DNAH8: variants seen among roughly 807,000 people sequenced by gnomAD.
The protein encoded by DNAH8 is axonemal beta dynein heavy chain 8.
A neutral mutation model predicts 562.1 loss-of-function variants in DNAH8; 382 were observed. The ratio of observed to expected loss-of-function variants is 0.68; its 90% CI spans 0.63 to 0.74. The LOEUF (loss-of-function observed/expected upper bound fraction) is 0.74, where lower values mean the gene tolerates loss of function less well. Among genes scored for constraint, DNAH8 ranks in the 30% least tolerant of loss-of-function variants. DNAH8 has a pLI of 0.00. For synonymous variants in DNAH8, 1,881 were observed against 1,919.4 expected, an observed-to-expected ratio of 0.98 and a Z score of 0.52; for missense variants, 5,203 against 5,620.4, an observed-to-expected ratio of 0.93 and a Z score of 2.37.
At chr6:38,870,337 C>A in intron 48 of DNAH8, 64 bp from the exon 49 acceptor site, 1 of 1,481,832 alleles carries the variant, frequency 6.7e-7, no homozygotes. Flanking sequence ...TATGCACATC[C>A]CAGCTAGCTG....
chr6:38,990,172 C>G lies in DNAH8; in HGVS notation c.13214C>G (p.Thr4405Arg). The G allele has an allele frequency of 6.3e-7, 1 of 1,592,034 alleles. No homozygotes were observed. The highest frequency in any genetic ancestry group is 8.5e-7 in the Non-Finnish European group (1 of 1,170,220). The change falls in exon 88 of 93, where the codon ACG (threonine) becomes AGG (arginine). Residue 4405 changes from threonine to arginine, a missense_variant and splice_region_variant. Around this residue, in one of 6 missense-constraint regions of DNAH8, gnomAD observed 1,399 missense variants for 1,518.4 expected, o/e 0.92. Transcript: ENST00000327475. ...GGGCTTCACCCTAATGCTGATATCA[C>G]GTAAGTCCCTGGCATTTTTTAATTT... ...VFGLHPNADITYQSNTASAVL... is the reference protein window; with the variant it reads ...VFGLHPNADIRYQSNTASAVL...
rs764211815 is a variant in DNAH8 at position 38,945,490 on chromosome 6, G to T, written c.12031G>T (p.Ala4011Ser). 2 of 1,614,070 alleles carry T rather than the reference G, an allele frequency of 1.2e-6. No homozygotes were observed. The highest frequency in any genetic ancestry group is 1.3e-5 in the African/African-American group (1 of 74,926). Residue 4011 changes from alanine to serine, a missense_variant, in exon 80 of 93, where the codon GCC (alanine) becomes TCC (serine). By Grantham distance (99) the Ala-to-Ser change is moderately conservative. Transcript: ENST00000327475. ...IKGGAALDLK[A>S]CPPKPYRWIL... ...AGGGGGAGCAGCTCTGGACCTGAAA[G>T]CCTGTCCTCCCAAACCCTATCGCTG...
intron 21 of DNAH8, 132 bp from the exon 22 acceptor site, chr6:38,803,047 A>C: frequency 1.6e-6 from 1 of 623,298 alleles, no homozygotes; most frequent in Non-Finnish European, 2.6e-6. Context: ...GCATTATGCC[A>C]TTTTCAGCTA....
chr6:38,909,153 G>T lies in DNAH8; in HGVS notation c.9514-365G>T, dbSNP rs9380808. 5.9e-5 allele frequency among the ~76,000 whole-genome samples: 9 copies of T among 152,230 alleles called. No homozygotes were observed. The East Asian group carries it at 1.7e-3, about 29-fold the overall frequency. ...GATATTTGGAGAAGGTTTTTGCAAG[G>T]CTGTCTAAGTTGATTCCTTTTTAGA... is the stretch of plus-strand genomic sequence containing the variant. On this transcript the variant is annotated intron_variant, in intron 64 of 92. Coordinates refer to ENST00000327475, the MANE Select transcript of DNAH8 (RefSeq NM_001206927.2).
At position 38,779,978 on chromosome 6, in the gene DNAH8, G is replaced by GAA. The variant is rs1768421468; in HGVS notation, c.2053_2054dup (p.Asn685LysfsTer8). ...TGATTACTTTTAGGTTTCAGAAGCT[G>GAA]AACATTCCCTGTCTGGGATTAGAAA... On this transcript the variant is annotated frameshift_variant, in exon 15 of 93. Transcript: ENST00000327475. LOFTEE classifies it high-confidence loss of function. 1 of 1,613,790 alleles carries GAA rather than the reference G, an allele frequency of 6.2e-7. No homozygotes were observed. Among genetic ancestry groups the GAA allele is most frequent in the Admixed American group, 1.7e-5 (1 of 59,986 alleles).
At position 38,973,760 on chromosome 6, in the gene DNAH8, C is replaced by T. The variant is rs758584780; in HGVS notation, c.12625C>T (p.Arg4209Ter). 1.8e-5 allele frequency: 29 copies of T among 1,610,888 alleles called. No individual in the cohort carries two copies. Among genetic ancestry groups the T allele is most frequent in the Middle Eastern group, 1.7e-4 (1 of 6,054 alleles). Residue 4209 changes from arginine (R) to a stop codon, truncating the protein, a stop_gained, in exon 84 of 93, where the codon CGA becomes TGA. Coordinates refer to ENST00000327475, the MANE Select transcript of DNAH8 (RefSeq NM_001206927.2). LOFTEE classifies it high-confidence loss of function. ...ITTEASDDSF[R>*]VWITTEPHDR... ...CACTGAAGCCAGTGATGATTCTTTC[C>T]GAGTATGGATAACTACGGAGCCCCA...
chr6:38,741,233 A>G (rs1318810786), intron 7 of DNAH8, among the ~76,000 whole-genome samples: 3 of 152,112 alleles, frequency 2.0e-5, no homozygotes, highest in South Asian at 2.1e-4. Context: ...GTGACATGCT[A>G]TCTCTACAAA....
At chr6:38,725,114 C>T (rs1763100174) in intron 3 of DNAH8, among the ~76,000 whole-genome samples, 1 of 151,888 alleles carries the variant, frequency 6.6e-6, no homozygotes, top group South Asian at 2.1e-4. Context: ...ACCAGCCTAA[C>T]CAAAATGGTG....
At chr6:38,860,958 T>C (rs897867242) in intron 43 of DNAH8, among the ~76,000 whole-genome samples, 1 of 152,192 alleles carries the variant, frequency 6.6e-6, no homozygotes, top group Admixed American at 6.5e-5. Flanking sequence ...TTGGAGATCA[T>C]TTAATTTAGT....
intron 86 of DNAH8, among the ~76,000 whole-genome samples, chr6:38,983,497 A>C (rs984964617): frequency 1.3e-5 from 2 of 152,228 alleles, no homozygotes; most frequent in Admixed American, 6.5e-5. Context: ...ATTTTGGTAC[A>C]TACAAATAAT....
intron 7 of DNAH8, among the ~76,000 whole-genome samples, chr6:38,740,074 A>AT (rs1380617581): frequency 1.2e-4 from 18 of 152,068 alleles, no homozygotes; most frequent in African/African-American, 4.3e-4. Context: ...GTATTTATTT[A>AT]TTTTTTATAC....
intron 8 of DNAH8, among the ~76,000 whole-genome samples, chr6:38,747,609 A>G (rs1383570142): frequency 6.7e-6 from 1 of 150,252 alleles, no homozygotes; most frequent in East Asian, 2.0e-4. Flanking sequence ...CTGGTCTTGA[A>G]CTCCTGACCT....
intron 21 of DNAH8, among the ~76,000 whole-genome samples, chr6:38,795,686 CTA>C (rs1770188949): frequency 6.6e-6 from 1 of 152,068 alleles, no homozygotes. Flanking sequence ...GATCTAAGAT[CTA>C]GTAACAGTTG....
intron 39 of DNAH8, among the ~76,000 whole-genome samples, chr6:38,852,443 A>C (rs1187873244): frequency 6.6e-6 from 1 of 152,110 alleles, no homozygotes; most frequent in East Asian, 1.9e-4. Context: ...GGAAGGTGAC[A>C]GTCCTTAGTC....
chr6:38,974,570 G>A (rs376182702), intron 85 of DNAH8, 41 bp downstream of exon 85: 2 of 1,569,894 alleles, frequency 1.3e-6, no homozygotes, highest in African/African-American at 2.7e-5. Flanking sequence ...GAGATGGCCA[G>A]TGGTGTGCTG....
chr6:38,887,982 G>A (rs1018989821), intron 57 of DNAH8, among the ~76,000 whole-genome samples: 3 of 151,672 alleles, frequency 2.0e-5, no homozygotes, highest in South Asian at 2.1e-4. Flanking sequence ...GATTACAGGC[G>A]CCTGCCACCA....
At chr6:38,976,592 A>G (rs970732679) in intron 85 of DNAH8, among the ~76,000 whole-genome samples, 3 of 152,212 alleles carry the variant, frequency 2.0e-5, no homozygotes, top group Non-Finnish European at 2.9e-5. Flanking sequence ...GGTGCATGTC[A>G]GATCTCGCCT....
chr6:39,027,759 G>A (rs1473046289), intron 92 of DNAH8, among the ~76,000 whole-genome samples: 4 of 152,142 alleles, frequency 2.6e-5, no homozygotes, highest in African/African-American at 9.7e-5. Flanking sequence ...ACAGGAGGCG[G>A]AGGTTGCGGT....
rs369903233 is a variant in DNAH8 at position 38,938,272 on chromosome 6, G to T, written c.11816+46G>T. On this transcript the variant is annotated intron_variant, in intron 78 of 92. Transcript: ENST00000327475. ...TCCAAAAGTGGTGACTTAAAAGTTT[G>T]CTTGTATTTCTACTCTTTTAGAAAT... is the stretch of plus-strand genomic sequence containing the variant. The T allele has an allele frequency of 2.0e-5, 31 of 1,563,102 alleles. 1 individual carries two copies. The East Asian group carries it at 2.5e-4, about 13-fold the overall frequency.
Sources: gnomAD v4.1 joint callset for allele counts (sites outside exome capture counted in the v4.1 genomes callset) on GRCh38, gnomAD v4.1.1 for gene constraint, gnomAD v4.1.1 regional missense constraint, MANE v1.5 for transcripts, NCBI Gene and HGNC (gene_info 2026-07-23, HGNC 2026-07-21) for gene names.